Variants in INTS4 observed in about 807,000 individuals in gnomAD.
INTS4 encodes integrator complex subunit 4, also known as MSTP093.
In INTS4, 70 loss-of-function variants were observed where a neutral mutation model predicts 119.5. That is an observed-to-expected ratio of 0.59 (90% CI 0.48 to 0.71). INTS4 has a LOEUF of 0.71. INTS4 is among the 30% of genes least tolerant of loss of function. The pLI, the probability that INTS4 is intolerant of heterozygous loss-of-function variation, is 0.00. For missense variants in INTS4, 867 were observed against 1,173.2 expected (o/e 0.74, Z 3.81); for synonymous variants, 316 against 419.6 (o/e 0.75, Z 3.02).
chr11:77,898,389 C>T (rs1233903804), intron 18 of INTS4, among the ~76,000 whole-genome samples: 1 of 152,166 alleles, frequency 6.6e-6, no homozygotes, highest in African/African-American at 2.4e-5. Context: ...GTCTTGAACT[C>T]CTGACCTCGT....
chr11:77,968,069 T>C (rs761870547), intron 4 of INTS4, among the ~76,000 whole-genome samples: 1 of 152,178 alleles, frequency 6.6e-6, no homozygotes, highest in Non-Finnish European at 1.5e-5. Context: ...TAGGCAACTG[T>C]AACATAATGG....
At chr11:77,965,597 C>T (rs1010234964) in intron 4 of INTS4, among the ~76,000 whole-genome samples, 4 of 152,156 alleles carry the variant, frequency 2.6e-5, no homozygotes, top group Non-Finnish European at 2.9e-5. Flanking sequence ...TTTTTCTGTG[C>T]TCGGCTTATG....
rs1565270539 is a variant in INTS4 at position 77,955,926 on chromosome 11, A to G, written c.918+16T>C. On this transcript the variant is annotated intron_variant, in intron 8 of 22. Coordinates refer to ENST00000534064, the MANE Select transcript of INTS4 (RefSeq NM_033547.4). ...TATATACATGCATACATACATACATAAAAAGTATAACTTACCAACAGTTTT... is the reference window on the plus strand; with the variant it reads ...TATATACATGCATACATACATACATGAAAAGTATAACTTACCAACAGTTTT... 6.3e-7 allele frequency: 1 copy of G among 1,589,298 alleles called. No homozygotes were observed. The highest frequency in any genetic ancestry group is 1.4e-5 in the African/African-American group (1 of 74,036).
At chr11:77,976,599 T>A (rs1251381093) in intron 4 of INTS4, among the ~76,000 whole-genome samples, 2 of 152,194 alleles carry the variant, frequency 1.3e-5, no homozygotes, top group African/African-American at 4.8e-5. Flanking sequence ...GGATTATAAA[T>A]CATGATGCTA....
intron 10 of INTS4, among the ~76,000 whole-genome samples, chr11:77,934,968 C>T (rs1368222039): frequency 1.3e-5 from 2 of 152,186 alleles, no homozygotes; most frequent in Non-Finnish European, 2.9e-5. Flanking sequence ...TTTAAGACCT[C>T]GCACAGGTCT....
chr11:77,957,166 C>G (rs1157229360), intron 7 of INTS4, among the ~76,000 whole-genome samples: 1 of 152,106 alleles, frequency 6.6e-6, no homozygotes, highest in Non-Finnish European at 1.5e-5. Context: ...CTCCTGAGAT[C>G]AAGCAATCCA....
At chr11:77,960,471 T>G (rs1954441082) in intron 5 of INTS4, 80 bp from the exon 6 acceptor site, 12 of 1,091,818 alleles carry the variant, frequency 1.1e-5, no homozygotes, top group Non-Finnish European at 1.7e-5. Context: ...CTCACATATT[T>G]TCCCCTATTG....
intron 8 of INTS4, among the ~76,000 whole-genome samples, chr11:77,947,856 T>C (rs772283314): frequency 6.6e-5 from 10 of 152,234 alleles, no homozygotes; most frequent in East Asian, 1.9e-4. Flanking sequence ...ACTTTTTTTT[T>C]CCCCCTTGAG....
intron 19 of INTS4, among the ~76,000 whole-genome samples, chr11:77,893,493 T>C (rs1323563029): frequency 1.3e-5 from 2 of 152,262 alleles, no homozygotes; most frequent in East Asian, 3.9e-4. Context: ...CCTGTAGTCC[T>C]AGCTACTCAG....
At chr11:77,975,913 G>A (rs970015526) in intron 4 of INTS4, among the ~76,000 whole-genome samples, 8 of 151,090 alleles carry the variant, frequency 5.3e-5, no homozygotes, top group Non-Finnish European at 7.4e-5. Context: ...CCGAGATCAC[G>A]TCACTGCACT....
At chr11:77,987,619 C>A (rs1470095517) in intron 2 of INTS4, 1 of 450,578 alleles carries the variant, frequency 2.2e-6, no homozygotes, top group East Asian at 7.3e-5. Flanking sequence ...TAATCCCAAT[C>A]CTTTGGGAGG....
Position 77,938,643 on chromosome 11 carries a change from A to G in INTS4, c.1165+8T>C. 2.5e-6 allele frequency: 4 copies of G among 1,609,800 alleles called. No individual in the cohort carries two copies. Among genetic ancestry groups the G allele is most frequent in the Non-Finnish European group, 3.4e-6 (4 of 1,178,534 alleles). ...AGAGTGCTATTGCTATTATACAGTC[A>G]TACTTACCATACATCTCATCTTCCA... On this transcript the variant is annotated splice_region_variant and intron_variant, in intron 10 of 22. Coordinates refer to ENST00000534064, the MANE Select transcript of INTS4 (RefSeq NM_033547.4).
chr11:77,941,866 C>T (rs1358148925), intron 8 of INTS4, among the ~76,000 whole-genome samples: 2 of 152,030 alleles, frequency 1.3e-5, no homozygotes, highest in Non-Finnish European at 2.9e-5. Flanking sequence ...TAAATCCTCA[C>T]TATAACCCTG....
At chr11:77,933,972 G>A (rs1324506153) in intron 10 of INTS4, among the ~76,000 whole-genome samples, 1 of 152,176 alleles carries the variant, frequency 6.6e-6, no homozygotes, top group Non-Finnish European at 1.5e-5. Context: ...GTGGGGAGGG[G>A]ATGGAGGGGT....
intron 16 of INTS4, among the ~76,000 whole-genome samples, chr11:77,904,752 A>G (rs1193092412): frequency 2.6e-5 from 4 of 152,264 alleles, no homozygotes; most frequent in Non-Finnish European, 5.9e-5. Context: ...ATCCCAAAAC[A>G]TACAATCCCA....
chr11:77,933,073 G>T (rs1953694391), intron 10 of INTS4, among the ~76,000 whole-genome samples: 1 of 151,946 alleles, frequency 6.6e-6, no homozygotes, highest in African/African-American at 2.4e-5. Context: ...AAACCTGCAC[G>T]TTCTGCACAT....
At chr11:77,989,235 C>A (rs573350344) in intron 2 of INTS4, among the ~76,000 whole-genome samples, 1 of 152,102 alleles carries the variant, frequency 6.6e-6, no homozygotes. Context: ...CACCTGTAAT[C>A]CCAGCACTTT....
intron 22 of INTS4, among the ~76,000 whole-genome samples, chr11:77,881,899 T>G (rs4945223): frequency 0.14 from 21,108 of 151,742 alleles, 1,646 homozygotes; most frequent in Admixed American, 0.2. Flanking sequence ...TCTTGTTTTC[T>G]TGTTTCTGAT....
intron 16 of INTS4, among the ~76,000 whole-genome samples, chr11:77,905,620 T>G (rs915238246): frequency 3.3e-5 from 5 of 152,208 alleles, no homozygotes; most frequent in African/African-American, 1.2e-4. Flanking sequence ...AAATGAGATA[T>G]CCTTTTCGTA....
Sources: allele counts gnomAD v4.1 joint callset (sites outside exome capture counted in the v4.1 genomes callset), GRCh38; gene constraint gnomAD v4.1.1; transcripts MANE v1.5; gene names NCBI Gene and HGNC (gene_info 2026-07-23, HGNC 2026-07-21).